Variants in RALGPS1 observed in about 807,000 individuals in gnomAD.
The protein encoded by RALGPS1 is ras-specific guanine nucleotide-releasing factor RalGPS1.
A neutral mutation model predicts 78.8 loss-of-function variants in RALGPS1; 19 were observed. That is an observed-to-expected ratio of 0.24 (90% confidence interval 0.17 to 0.35). The LOEUF (loss-of-function observed/expected upper bound fraction) is 0.35. Among genes scored for constraint, RALGPS1 ranks in the 10% least tolerant of loss-of-function variants. The pLI is 1.00. For synonymous variants in RALGPS1, 228 were observed against 256.3 expected, an observed-to-expected ratio of 0.89 and a Z score of 1.06; for missense variants, 454 against 688.3, an observed-to-expected ratio of 0.66 and a Z score of 3.81.
chr9:127,067,766 C>T lies in RALGPS1; in HGVS notation c.484-1464C>T, dbSNP rs77126267. Reference sequence around the variant, plus strand: ...TGGGCTTAGCCATTGACCTCCAATCCCAGAAGCACTAGGCCCTGGCAGCTA... The same window carrying T: ...TGGGCTTAGCCATTGACCTCCAATCTCAGAAGCACTAGGCCCTGGCAGCTA... On this transcript the variant is annotated intron_variant, in intron 7 of 18. Coordinates refer to ENST00000259351, the MANE Select transcript of RALGPS1 (RefSeq NM_014636.3). Among the ~76,000 whole-genome samples the T allele has an allele frequency of 2.9e-3, 449 of 152,308 alleles. 2 individuals carry two copies. Among genetic ancestry groups the T allele is most frequent in the African/African-American group, 0.01 (422 of 41,568 alleles).
intron 4 of RALGPS1, among the ~76,000 whole-genome samples, chr9:127,030,009 A>G (rs1262776875): frequency 6.6e-6 from 1 of 152,198 alleles, no homozygotes; most frequent in East Asian, 1.9e-4. Flanking sequence ...GTTAGGGATT[A>G]TTTCCACAGT....
intron 5 of RALGPS1, among the ~76,000 whole-genome samples, chr9:127,037,512 G>A (rs1366580143): frequency 6.6e-6 from 1 of 152,210 alleles, no homozygotes; most frequent in Admixed American, 6.5e-5. Flanking sequence ...AGAGCTTCAT[G>A]GTTTATGTAT....
At chr9:126,973,413 C>CAA in intron 3 of RALGPS1, among the ~76,000 whole-genome samples, 1 of 152,090 alleles carries the variant, frequency 6.6e-6, no homozygotes, top group East Asian at 1.9e-4. Context: ...TAGCACTTAT[C>CAA]AAATTTTTAA....
rs1191343095 is a variant in RALGPS1 at position 127,205,787 on chromosome 9, A to G, written c.1248-6344A>G. On this transcript the variant is annotated intron_variant, in intron 14 of 18. Coordinates refer to ENST00000259351, the MANE Select transcript of RALGPS1 (RefSeq NM_014636.3). The surrounding 1 kb of genome is among the most constrained non-coding windows in gnomAD (Gnocchi z 4.0). ...GATGCCTCCCAGGTTTACATGTGATAGTTTCGCCCAGCCACTGAGCCTCAC... is the reference window on the plus strand; with the variant it reads ...GATGCCTCCCAGGTTTACATGTGATGGTTTCGCCCAGCCACTGAGCCTCAC... Among the ~76,000 whole-genome samples, 1 of 152,154 alleles carries G rather than the reference A, an allele frequency of 6.6e-6. No homozygotes were observed. Among genetic ancestry groups the G allele is most frequent in the Non-Finnish European group, 1.5e-5 (1 of 68,030 alleles).
chr9:127,096,508 C>T (rs749945095), intron 8 of RALGPS1, among the ~76,000 whole-genome samples: 5 of 152,178 alleles, frequency 3.3e-5, no homozygotes, highest in South Asian at 4.2e-4. Flanking sequence ...GGAGGCGCCA[C>T]GTAGGGAGAG....
intron 8 of RALGPS1, among the ~76,000 whole-genome samples, chr9:127,110,906 A>G (rs1007026669): frequency 6.6e-6 from 1 of 151,858 alleles, no homozygotes; most frequent in Non-Finnish European, 1.5e-5. Context: ...TCCCTGCCCC[A>G]GCCTTGCCCA....
chr9:127,208,948 C>A (rs779428355), intron 14 of RALGPS1, among the ~76,000 whole-genome samples: 1 of 152,230 alleles, frequency 6.6e-6, no homozygotes, highest in East Asian at 1.9e-4. Context: ...GCATCACATT[C>A]TCCTCAGGTA....
rs369196162 is a variant in RALGPS1, at chr9:127,043,257, G to A, written c.301-6786G>A. ...GTTATCAAGACAGCATGGTATTGGCGAAAGAATTGGCCCCATAGGTCGATG... is the reference window on the plus strand; with the variant it reads ...GTTATCAAGACAGCATGGTATTGGCAAAAGAATTGGCCCCATAGGTCGATG... On this transcript the variant is annotated intron_variant, in intron 5 of 18. Coordinates refer to ENST00000259351, the MANE Select transcript of RALGPS1 (RefSeq NM_014636.3). 7.9e-5 allele frequency among the ~76,000 whole-genome samples: 12 copies of A among 152,310 alleles called. No homozygotes were observed. The East Asian group carries it at 1.3e-3, about 17-fold the overall frequency.
intron 4 of RALGPS1, among the ~76,000 whole-genome samples, chr9:127,026,119 AG>A (rs1428750570): frequency 1.3e-5 from 2 of 152,204 alleles, no homozygotes; most frequent in Non-Finnish European, 2.9e-5. Context: ...GTCCCATAAT[AG>A]GCTGTCTGCA....
chr9:127,151,034 A>G (rs911202071), intron 8 of RALGPS1, among the ~76,000 whole-genome samples: 4 of 152,056 alleles, frequency 2.6e-5, no homozygotes, highest in African/African-American at 9.7e-5. Context: ...TACAAAAAAA[A>G]TTAGCTGGGT....
chr9:127,203,597 G>A (rs539552941), intron 14 of RALGPS1, among the ~76,000 whole-genome samples: 9 of 152,152 alleles, frequency 5.9e-5, no homozygotes, highest in African/African-American at 1.4e-4. Flanking sequence ...GGGTTGGGGG[G>A]CACAGTGCAC....
At chr9:127,067,367 A>G (rs1372637537) in intron 7 of RALGPS1, among the ~76,000 whole-genome samples, 1 of 152,120 alleles carries the variant, frequency 6.6e-6, no homozygotes, top group Admixed American at 6.5e-5. Flanking sequence ...GCCTCTCCTT[A>G]CCGAAGTTCG....
intron 1 of RALGPS1, among the ~76,000 whole-genome samples, chr9:126,960,733 T>G (rs1256710201): frequency 3.9e-5 from 6 of 152,196 alleles, no homozygotes; most frequent in Non-Finnish European, 7.3e-5. Flanking sequence ...TCTCCAGGAT[T>G]GATTTTCACA....
chr9:127,006,983 TGAAA>T (rs2043896748), intron 4 of RALGPS1, among the ~76,000 whole-genome samples: 1 of 152,140 alleles, frequency 6.6e-6, no homozygotes. Context: ...AAATAATCTC[TGAAA>T]AGATTTTTAA....
intron 7 of RALGPS1, among the ~76,000 whole-genome samples, chr9:127,067,385 T>C (rs1040656669): frequency 1.3e-5 from 2 of 152,234 alleles, no homozygotes; most frequent in Non-Finnish European, 2.9e-5. Flanking sequence ...TCGTAAGCTA[T>C]CACTGCTCCT....
chr9:127,056,849 G>A (rs2048789652), intron 7 of RALGPS1, among the ~76,000 whole-genome samples: 1 of 152,106 alleles, frequency 6.6e-6, no homozygotes, highest in Admixed American at 6.5e-5. Flanking sequence ...TTAATTTCTG[G>A]TATGAGATGG....
rs201665675 is a variant in RALGPS1 at position 127,177,546 on chromosome 9, TGCCTCAGCCTCA to T, written c.910+2792_910+2803del. The stretch of plus-strand genomic sequence containing the variant: ...CTCCCTGAGGAAGAGCCCAGGGCCC[TGCCTCAGCCTCA>T]GCCTCAGCCTCAGCCTCAGCCTCAG... On this transcript the variant is annotated intron_variant, in intron 11 of 18. Transcript: ENST00000259351. Among the ~76,000 whole-genome samples the T allele has an allele frequency of 2.0e-3, 304 of 152,164 alleles. 1 individual carries two copies. Among genetic ancestry groups the T allele is most frequent in the Non-Finnish European group, 2.3e-3 (159 of 67,996 alleles).
intron 1 of RALGPS1, among the ~76,000 whole-genome samples, chr9:126,942,114 T>C (rs1399116328): frequency 6.6e-6 from 1 of 152,234 alleles, no homozygotes; most frequent in Admixed American, 6.5e-5. Context: ...TGTTGAGCCA[T>C]CCTGTATTAA....
chr9:126,998,002 G>C (rs1362204462), intron 4 of RALGPS1, among the ~76,000 whole-genome samples: 5 of 152,182 alleles, frequency 3.3e-5, no homozygotes, highest in African/African-American at 1.2e-4. Context: ...TTCCTTACAT[G>C]TTATACAAAA....
Sources: allele counts gnomAD v4.1 joint callset (sites outside exome capture counted in the v4.1 genomes callset), GRCh38; gene constraint gnomAD v4.1.1; non-coding constraint Gnocchi (gnomAD v3.1); transcripts MANE v1.5; gene names NCBI Gene and HGNC (gene_info 2026-07-23, HGNC 2026-07-21).